MSI1: variants seen among roughly 807,000 people sequenced by gnomAD.
MSI1 encodes musashi RNA binding protein 1.
In MSI1, 15 loss-of-function variants were observed where a neutral mutation model predicts 54.4. The ratio of observed to expected loss-of-function variants is 0.28; its 90% CI spans 0.18 to 0.42. The LOEUF is 0.42. Among genes scored for constraint, MSI1 ranks in the 20% least tolerant of loss-of-function variants. The pLI, the probability that MSI1 is intolerant of heterozygous loss-of-function variation, is 1.00. For synonymous variants in MSI1, 200 were observed against 196.5 expected (o/e 1.02, Z -0.15); for missense variants, 304 against 506.0 (o/e 0.60, Z 3.83).
chr12:120,363,266 C>T (rs1307088746), intron 5 of MSI1, 131 bp from the exon 6 acceptor site: 7 of 672,496 alleles, frequency 1.0e-5, no homozygotes, highest in African/African-American at 1.9e-5. Context: ...TAAAGGCCCC[C>T]CCCCCGCAAG....
intron 11 of MSI1, among the ~76,000 whole-genome samples, chr12:120,347,776 T>C (rs933880478): frequency 6.6e-6 from 1 of 152,164 alleles, no homozygotes; most frequent in Non-Finnish European, 1.5e-5. Context: ...TGGGGGGACA[T>C]GCTTGAATAA....
At chr12:120,349,138 C>A (rs1874392399) in intron 11 of MSI1, among the ~76,000 whole-genome samples, 1 of 150,804 alleles carries the variant, frequency 6.6e-6, no homozygotes, top group Non-Finnish European at 1.5e-5. Flanking sequence ...CTCTGTTGCC[C>A]AGTCTGGAGT....
At position 120,368,248 on chromosome 12, in the gene MSI1, C is replaced by G; in HGVS notation, c.126G>C (p.Gln42His). 1 of 1,584,630 alleles carries G rather than the reference C, an allele frequency of 6.3e-7. No homozygotes were observed. Among genetic ancestry groups the G allele is most frequent in the South Asian group, 1.1e-5 (1 of 87,404 alleles). Residue 42 changes from glutamine to histidine, a missense_variant, in exon 3 of 15, where the codon CAG (glutamine) becomes CAC (histidine). Around this residue, in one of 4 missense-constraint regions of MSI1, gnomAD observed 105 missense variants for 230.1 expected, o/e 0.46. Transcript: ENST00000257552. This position sits in a 1 kb window ranked among gnomAD's most constrained non-coding sequence, Gnocchi z 6.6. ...CCAGACACTCCTTCACCTCCCCGAA[C>G]TGGCCGAAGTATTCGCGCAGCCCTT... ...TQEGLREYFG[Q>H]FGEVKECLVM...
chr12:120,342,535 C>G lies in MSI1; in HGVS notation c.*592G>C, dbSNP rs1592916752. On this transcript the variant is annotated 3_prime_UTR_variant, in exon 15 of 15. Transcript: ENST00000257552. ...AGGGCTGGAGGGAGGCGGCCAGGGG[C>G]CCACACCCAGATAGACACTTTGTTC... 1 of 152,340 alleles carries G rather than the reference C, an allele frequency of 6.6e-6. No homozygotes were observed. The highest frequency in any genetic ancestry group is 2.0e-4 in the East Asian group (1 of 5,114). 9.4% of individuals were successfully genotyped at this position (152,340 alleles called of 1,614,324 possible).
intron 14 of MSI1, among the ~76,000 whole-genome samples, chr12:120,344,282 G>A (rs1873931752): frequency 6.6e-6 from 1 of 152,250 alleles, no homozygotes; most frequent in Admixed American, 6.5e-5. Flanking sequence ...AAGTGGAATT[G>A]TTGGGTCCAA....
chr12:120,361,264 C>G (rs538828029), intron 6 of MSI1: 1 of 152,128 alleles, frequency 6.6e-6, no homozygotes, highest in African/African-American at 2.4e-5. Flanking sequence ...ACCCTCCCCC[C>G]TAATCCTACA....
intron 9 of MSI1, among the ~76,000 whole-genome samples, chr12:120,354,253 G>T (rs1363707365): frequency 6.6e-6 from 1 of 152,020 alleles, no homozygotes; most frequent in Non-Finnish European, 1.5e-5. Flanking sequence ...GGAATTACAA[G>T]CATGAGCCAC....
At chr12:120,344,877 G>A (rs1873977898) in intron 14 of MSI1, among the ~76,000 whole-genome samples, 2 of 151,738 alleles carry the variant, frequency 1.3e-5, no homozygotes, top group African/African-American at 4.8e-5. Flanking sequence ...TTAGCTGGGT[G>A]CGGTAGCACA....
At chr12:120,359,509 C>G (rs1251262181) in intron 6 of MSI1, among the ~76,000 whole-genome samples, 1 of 152,200 alleles carries the variant, frequency 6.6e-6, no homozygotes, top group East Asian at 1.9e-4. Context: ...CTGGACTCCC[C>G]TCTCCGGCTA....
intron 12 of MSI1, 55 bp from the exon 13 acceptor site, chr12:120,346,377 G>A (rs995919490): frequency 6.9e-6 from 10 of 1,444,590 alleles, no homozygotes; most frequent in Non-Finnish European, 6.4e-6. Context: ...CCACCCCACG[G>A]CACCCCCTCA....
At chr12:120,344,990 G>A (rs1438992127) in intron 14 of MSI1, among the ~76,000 whole-genome samples, 2 of 152,042 alleles carry the variant, frequency 1.3e-5, no homozygotes, top group Non-Finnish European at 1.5e-5. Flanking sequence ...ACTCCAGCCT[G>A]GGTGACAGAG....
At chr12:120,350,781 G>A (rs762924481) in intron 11 of MSI1, among the ~76,000 whole-genome samples, 7 of 152,186 alleles carry the variant, frequency 4.6e-5, no homozygotes, top group Middle Eastern at 3.2e-3. Context: ...GGCTGGATTC[G>A]GCCCTTGGCA....
At chr12:120,346,825 G>C (rs867571773) in intron 12 of MSI1, among the ~76,000 whole-genome samples, 3 of 152,152 alleles carry the variant, frequency 2.0e-5, no homozygotes, top group African/African-American at 7.2e-5. Flanking sequence ...GCCCCAGCTG[G>C]GAGCTCCTCT....
In MSI1 at chr12:120,368,080, G is replaced by A; in HGVS notation, c.195C>T (p.Phe65=). 6.2e-7 allele frequency: 1 copy of A among 1,613,778 alleles called. No individual in the cohort carries two copies. The highest frequency in any genetic ancestry group is 8.5e-7 in the Non-Finnish European group (1 of 1,179,884). ...CCCCCGCCTGGTCCATGAAAGTGACGAAGCCGAAACCCCTGCGCGCCGTAG... is the reference window on the plus strand; with the variant it reads ...CCCCCGCCTGGTCCATGAAAGTGACAAAGCCGAAACCCCTGCGCGCCGTAG... ...PLTKRSRGFG[F]VTFMDQAGVD... Residue 65 remains phenylalanine, a synonymous_variant, in exon 4 of 15, where the codon TTC becomes TTT. Coordinates refer to ENST00000257552, the MANE Select transcript of MSI1 (RefSeq NM_002442.4). The surrounding 1 kb of genome is among the most constrained non-coding windows in gnomAD (Gnocchi z 6.6).
At chr12:120,347,042 C>T (rs999542730) in intron 12 of MSI1, among the ~76,000 whole-genome samples, 10 of 152,116 alleles carry the variant, frequency 6.6e-5, no homozygotes, top group South Asian at 4.1e-4. Flanking sequence ...CTCCGCCTCC[C>T]GGGTTCAAGC....
At position 120,358,302 on chromosome 12, in the gene MSI1, G is replaced by T. The variant is rs186049556; in HGVS notation, c.452-404C>A. 1.3e-5 allele frequency among the ~76,000 whole-genome samples: 2 copies of T among 152,102 alleles called. 1 individual carries two copies. The highest frequency in any genetic ancestry group is 1.3e-4 in the Admixed American group (2 of 15,276). On this transcript the variant is annotated intron_variant, in intron 7 of 14. Transcript: ENST00000257552. The stretch of plus-strand genomic sequence containing the variant: ...CAAATGTACATAGACACACATTCAC[G>T]CATGCATACATCTAGATACCTGCGT...
chr12:120,367,470 C>T (rs1185176496), intron 4 of MSI1, among the ~76,000 whole-genome samples: 1 of 152,116 alleles, frequency 6.6e-6, no homozygotes, highest in Admixed American at 6.5e-5. Context: ...CTCATAAATC[C>T]CCTCCGTGGG....
intron 6 of MSI1, among the ~76,000 whole-genome samples, chr12:120,361,867 C>T (rs949421060): frequency 6.6e-6 from 1 of 152,024 alleles, no homozygotes; most frequent in African/African-American, 2.4e-5. Flanking sequence ...GACGCGGCCG[C>T]TGACGGCTTC....
In MSI1 at chr12:120,368,578, G is replaced by A. The variant is rs1876178231; in HGVS notation, c.100+255C>T. On this transcript the variant is annotated intron_variant, in intron 2 of 14. Transcript: ENST00000257552. The surrounding 1 kb of genome is among the most constrained non-coding windows in gnomAD (Gnocchi z 6.6). ...CGCAGGTGCGAGCGGAGTTGGCGCT[G>A]CCGCCGGCGGGTCCCGGGGGCCCAG... Among the ~76,000 whole-genome samples the A allele has an allele frequency of 6.6e-6, 1 of 151,958 alleles. No individual in the cohort carries two copies. The highest frequency in any genetic ancestry group is 1.5e-5 in the Non-Finnish European group (1 of 67,952).
Sources: allele counts gnomAD v4.1 joint callset (sites outside exome capture counted in the v4.1 genomes callset), GRCh38; gene constraint gnomAD v4.1.1; regional missense constraint gnomAD v4.1.1; non-coding constraint Gnocchi (gnomAD v3.1); transcripts MANE v1.5; gene names NCBI Gene and HGNC (gene_info 2026-07-23, HGNC 2026-07-21).